The following ROBO2 variants were observed in gnomAD, a reference collection of about 807,000 sequenced individuals.
ROBO2 encodes the protein roundabout homolog 2.
Under a neutral mutation model 160.8 loss-of-function variants are expected in ROBO2, and 53 were observed. The observed-to-expected ratio is 0.33, with a 90% CI of 0.26 to 0.41. The LOEUF is 0.41. Ranked by LOEUF, ROBO2 falls within the 10% of genes least tolerant of loss-of-function variation. The probability of loss-of-function intolerance (pLI) is 1.00; values close to 1 mark genes in which losing one functional copy is unlikely to be tolerated. For synonymous variants in ROBO2, 664 were observed against 611.7 expected, an observed-to-expected ratio of 1.09 and a Z score of -1.26; for missense variants, 1,577 against 1,722.4, an observed-to-expected ratio of 0.92 and a Z score of 1.49.
chr3:76,494,440 C>A (rs903089611), intron 2 of ROBO2, among the ~76,000 whole-genome samples: 20 of 152,186 alleles, frequency 1.3e-4, no homozygotes, highest in Admixed American at 1.2e-3. Flanking sequence ...CAAAGACATG[C>A]AATTGTAGGC....
At chr3:75,936,608 G>A (rs1355768367) in intron 1 of ROBO2, among the ~76,000 whole-genome samples, 2 of 151,976 alleles carry the variant, frequency 1.3e-5, no homozygotes, top group Non-Finnish European at 2.9e-5. Context: ...CATATGAAAG[G>A]TATAGTTTTG....
At chr3:76,632,546 A>G (rs946731156) in intron 2 of ROBO2, among the ~76,000 whole-genome samples, 1 of 152,226 alleles carries the variant, frequency 6.6e-6, no homozygotes, top group African/African-American at 2.4e-5. Context: ...TTGTAAAACA[A>G]TAGAAAATCA....
At chr3:76,352,417 G>A (rs546784300) in intron 2 of ROBO2, among the ~76,000 whole-genome samples, 1 of 152,066 alleles carries the variant, frequency 6.6e-6, no homozygotes, top group East Asian at 1.9e-4. Context: ...TCATTGTGGA[G>A]TAAAGTCCCA....
At chr3:76,159,217 T>C (rs1443689155) in intron 2 of ROBO2, among the ~76,000 whole-genome samples, 2 of 152,172 alleles carry the variant, frequency 1.3e-5, no homozygotes, top group Admixed American at 6.6e-5. Context: ...TTAACTGTTA[T>C]TAAGTTGGGA....
chr3:76,296,106 A>T (rs1374571639), intron 2 of ROBO2, among the ~76,000 whole-genome samples: 1 of 152,190 alleles, frequency 6.6e-6, no homozygotes, highest in Non-Finnish European at 1.5e-5. Flanking sequence ...TTGGGCACTA[A>T]ATCCAAAGAC....
At chr3:76,431,595 C>T (rs899689592) in intron 2 of ROBO2, among the ~76,000 whole-genome samples, 2 of 151,894 alleles carry the variant, frequency 1.3e-5, no homozygotes, top group Non-Finnish European at 2.9e-5. Context: ...GATAATCTTT[C>T]GTATAAACAA....
chr3:77,298,425 A>G (rs1431950588), intron 2 of ROBO2, among the ~76,000 whole-genome samples: 1 of 152,160 alleles, frequency 6.6e-6, no homozygotes, highest in African/African-American at 2.4e-5. Context: ...AAGTGAAATG[A>G]TTTGCCAAAC....
chr3:76,766,595 A>G (rs1242821508), intron 2 of ROBO2, among the ~76,000 whole-genome samples: 1 of 151,674 alleles, frequency 6.6e-6, no homozygotes, highest in Non-Finnish European at 1.5e-5. Flanking sequence ...TGAGAAACGT[A>G]ATGCTTAACA....
At position 76,377,786 on chromosome 3, in the gene ROBO2, T is replaced by C. The variant is rs369366708; in HGVS notation, c.109+440184T>C. 2.1e-4 allele frequency among the ~76,000 whole-genome samples: 32 copies of C among 152,248 alleles called. No homozygotes were observed. In the South Asian group the frequency reaches 6.4e-3, roughly 31 times the overall value. On this transcript the variant is annotated intron_variant, in intron 2 of 26. Coordinates refer to the ROBO2 transcript ENST00000487694. ...TGAGTAGAAAGGGTACTAGCTTGTG[T>C]ATGTATTTTTTCTTAATGAAAATAT...
chr3:76,123,973 A>G (rs1328795825), intron 2 of ROBO2, among the ~76,000 whole-genome samples: 1 of 152,036 alleles, frequency 6.6e-6, no homozygotes, highest in South Asian at 2.1e-4. Flanking sequence ...TTATATATTC[A>G]CTGTTGTACT....
intron 1 of ROBO2, among the ~76,000 whole-genome samples, chr3:77,050,964 G>A (rs1275090329): frequency 6.6e-6 from 1 of 151,048 alleles, no homozygotes; most frequent in Non-Finnish European, 1.5e-5. Context: ...GCTGCAGTGA[G>A]CTGTGAGTAC....
intron 2 of ROBO2, among the ~76,000 whole-genome samples, chr3:76,954,391 C>T (rs887518631): frequency 3.3e-5 from 5 of 152,188 alleles, no homozygotes; most frequent in Admixed American, 6.6e-5. Context: ...AATCTTACAA[C>T]ACGAGTAGTT....
intron 2 of ROBO2, among the ~76,000 whole-genome samples, chr3:76,023,429 A>G (rs1180908033): frequency 6.6e-6 from 1 of 151,632 alleles, no homozygotes; most frequent in Non-Finnish European, 1.5e-5. Flanking sequence ...GTGAACACTT[A>G]CAGGCCATTG....
At chr3:75,955,950 A>G (rs1319872083) in intron 2 of ROBO2, among the ~76,000 whole-genome samples, 5 of 151,844 alleles carry the variant, frequency 3.3e-5, no homozygotes, top group Non-Finnish European at 5.9e-5. Flanking sequence ...GTTAATGCAC[A>G]GAAAAAGACT....
At chr3:77,420,429 A>T (rs957974454) in intron 2 of ROBO2, among the ~76,000 whole-genome samples, 8 of 152,256 alleles carry the variant, frequency 5.3e-5, no homozygotes, top group African/African-American at 1.9e-4. Context: ...GTCAGAAAAA[A>T]GCCTTCCCAT....
chr3:75,909,755 A>G (rs1057425081), intron 1 of ROBO2, among the ~76,000 whole-genome samples: 2 of 152,206 alleles, frequency 1.3e-5, no homozygotes, highest in Admixed American at 1.3e-4. Context: ...ACAATGCCCT[A>G]TATTTCTTCC....
chr3:77,310,088 C>A (rs934950214), intron 2 of ROBO2, among the ~76,000 whole-genome samples: 4 of 152,050 alleles, frequency 2.6e-5, no homozygotes, highest in African/African-American at 9.7e-5. Flanking sequence ...AAAGTTAGAT[C>A]CCCTCCTAGG....
At chr3:77,634,669 T>TTAATA in intron 23 of ROBO2, 1 of 592,660 alleles carries the variant, frequency 1.7e-6, no homozygotes. Context: ...GGGGTGTTGT[T>TTAATA]AGCTTATTAA....
chr3:77,005,333 T>C (rs187030826), intron 2 of ROBO2, among the ~76,000 whole-genome samples: 46 of 152,340 alleles, frequency 3.0e-4, no homozygotes, highest in African/African-American at 1.1e-3. Flanking sequence ...GCACAGTTTT[T>C]GGAACAGATT....
Sources: allele counts gnomAD v4.1 joint callset (sites outside exome capture counted in the v4.1 genomes callset), GRCh38; gene constraint gnomAD v4.1.1; transcripts MANE v1.5; gene names NCBI Gene and HGNC (gene_info 2026-07-23, HGNC 2026-07-21).